TERF1: variants seen among roughly 807,000 people sequenced by gnomAD.
TERF1 encodes telomeric repeat binding factor 1.
Under a neutral mutation model 55.1 loss-of-function variants are expected in TERF1, and 20 were observed. That is an observed-to-expected ratio of 0.36 (90% CI 0.26 to 0.53). The LOEUF (loss-of-function observed/expected upper bound fraction) is 0.53. Ranked by LOEUF, TERF1 falls within the 20% of genes least tolerant of loss-of-function variation. TERF1 has a pLI of 0.91. For missense variants in TERF1, 439 were observed against 535.7 expected, an observed-to-expected ratio of 0.82 and a Z score of 1.78; for synonymous variants, 168 against 181.2, an observed-to-expected ratio of 0.93 and a Z score of 0.59.
intron 8 of TERF1, among the ~76,000 whole-genome samples, chr8:73,033,562 G>A (rs1252427604): frequency 2.0e-5 from 3 of 152,078 alleles, no homozygotes; most frequent in Non-Finnish European, 2.9e-5. Context: ...GCGAAACCCC[G>A]TTTCTACTAA....
intron 8 of TERF1, among the ~76,000 whole-genome samples, chr8:73,035,488 A>G (rs1809473397): frequency 6.6e-6 from 1 of 151,734 alleles, no homozygotes; most frequent in South Asian, 2.1e-4. Flanking sequence ...TTGGATGTGC[A>G]CAGAGAAGAA....
intron 1 of TERF1, chr8:73,012,846 G>T: frequency 2.3e-6 from 1 of 444,316 alleles, no homozygotes; most frequent in Admixed American, 2.5e-5. Context: ...GTTTAATTGT[G>T]TCTTCTCAGA....
chr8:73,008,936 A>G lies in TERF1; in HGVS notation c.50A>G (p.Asp17Gly), dbSNP rs377699337. ...SAAPSPRGCA[D>G]GRDADPTEEQ... ...GCCCCGAGCCCGCGGGGCTGTGCGG[A>G]TGGTAGGGATGCCGACCCTACTGAG... Residue 17 changes from aspartate to glycine, a missense_variant, in exon 1 of 10, where the codon GAT (aspartate) becomes GGT (glycine). Physicochemically the swap from Asp to Gly is moderately conservative, Grantham distance 94. This residue lies in a region of TERF1 where 179 missense variants were observed against 152.6 expected (regional missense o/e 1.17). Coordinates refer to ENST00000276603, the MANE Select transcript of TERF1 (RefSeq NM_017489.3). The G allele has an allele frequency of 8.7e-5, 140 of 1,612,470 alleles. 1 individual carries two copies. Among genetic ancestry groups the G allele is most frequent in the South Asian group, 6.7e-4 (61 of 90,714 alleles).
intron 8 of TERF1, among the ~76,000 whole-genome samples, chr8:73,036,329 A>G (rs538649532): frequency 3.3e-5 from 5 of 152,238 alleles, no homozygotes; most frequent in African/African-American, 1.2e-4. Flanking sequence ...AGGCTTTTCT[A>G]CATTCAACAG....
intron 7 of TERF1, 147 bp from the exon 8 acceptor site, chr8:73,031,895 G>T (rs1050094654): frequency 2.1e-5 from 10 of 487,564 alleles, no homozygotes; most frequent in African/African-American, 2.0e-4. Context: ...AGGTTAAGAT[G>T]GGGTACTAAG....
Position 73,009,096 on chromosome 8 carries a change from C to T in TERF1, c.210C>T (p.Ala70=), listed in dbSNP as rs1397515259. 1.9e-6 allele frequency: 3 copies of T among 1,610,022 alleles called. No homozygotes were observed. Among genetic ancestry groups the T allele is most frequent in the South Asian group, 1.1e-5 (1 of 90,788 alleles). Reference sequence around the variant, plus strand: ...AGGACGCGGGCCTGGTGGCCGAGGCCGAGGCCGTGGCTGCCGGCTGGATGC... The same window carrying T: ...AGGACGCGGGCCTGGTGGCCGAGGCTGAGGCCGTGGCTGCCGGCTGGATGC... The part of the protein sequence containing the change: ...EEEDAGLVAE[A]EAVAAGWMLD... The change falls in exon 1 of 10, where the codon GCC becomes GCT. Residue 70 remains alanine, a synonymous_variant. Coordinates refer to ENST00000276603, the MANE Select transcript of TERF1 (RefSeq NM_017489.3).
intron 9 of TERF1, among the ~76,000 whole-genome samples, chr8:73,039,798 TG>T (rs1345810163): frequency 6.6e-6 from 1 of 150,590 alleles, no homozygotes; most frequent in East Asian, 2.1e-4. Context: ...TGTGTGTGTG[TG>T]TGTGTGTGTG....
At chr8:73,027,102 CTT>C (rs1809042474) in intron 6 of TERF1, 50 bp downstream of exon 6, 1 of 1,313,738 alleles carries the variant, frequency 7.6e-7, no homozygotes, top group Non-Finnish European at 1.1e-6. Flanking sequence ...AATGTTCTGT[CTT>C]TATGTAAAAT....
chr8:73,037,083 A>G (rs1202115355), intron 8 of TERF1, among the ~76,000 whole-genome samples: 1 of 135,782 alleles, frequency 7.4e-6, no homozygotes, highest in Non-Finnish European at 1.5e-5. Flanking sequence ...ATTATACTAC[A>G]TATAATATAT....
At chr8:73,042,924 T>TCACCCCAC (rs1809892382) in intron 9 of TERF1, 1 of 152,212 alleles carries the variant, frequency 6.6e-6, no homozygotes, top group African/African-American at 2.4e-5. Context: ...TTGTATGGGT[T>TCACCCCAC]TAATGTCCAG....
At chr8:73,020,546 C>A in intron 2 of TERF1, 138 bp from the exon 3 acceptor site, 1 of 562,816 alleles carries the variant, frequency 1.8e-6, no homozygotes, top group Admixed American at 4.3e-5. Flanking sequence ...AATAAAATCA[C>A]TTCTAAACTG....
chr8:73,037,786 T>G lies in TERF1; in HGVS notation c.1040-1330T>G, dbSNP rs1456972792. ...TATAGTATAATATATATATTATATA[T>G]AATATATAGTATAATAATATATATA... On this transcript the variant is annotated intron_variant, in intron 8 of 9. Transcript: ENST00000276603. 6.1e-5 allele frequency among the ~76,000 whole-genome samples: 3 copies of G among 48,876 alleles called. No individual in the cohort carries two copies. In the East Asian group the frequency reaches 9.2e-4, roughly 15 times the overall value. 32.1% of individuals were successfully genotyped at this position (48,876 alleles called of 152,430 possible). A position where few individuals can be genotyped will look rare whatever the true frequency, so the allele number is the denominator to read the frequency against.
At chr8:73,032,195 A>G (rs1464865541) in intron 8 of TERF1, 62 bp downstream of exon 8, 14 of 1,237,994 alleles carry the variant, frequency 1.1e-5, no homozygotes, top group Non-Finnish European at 1.6e-5. Context: ...CAATCCAGCC[A>G]TTGACTTTAC....
intron 2 of TERF1, among the ~76,000 whole-genome samples, chr8:73,018,224 G>A (rs1808604439): frequency 6.6e-6 from 1 of 152,102 alleles, no homozygotes; most frequent in African/African-American, 2.4e-5. Context: ...AATATAAAGA[G>A]ACTTAGTATG....
At chr8:73,031,886 G>C in intron 7 of TERF1, 156 bp from the exon 8 acceptor site, 4 of 473,486 alleles carry the variant, frequency 8.4e-6, no homozygotes, top group African/African-American at 2.0e-5. Flanking sequence ...AGAGGCCACA[G>C]GTTAAGATGG....
chr8:73,009,308 G>C, intron 1 of TERF1, 103 bp downstream of exon 1: 1 of 1,269,706 alleles, frequency 7.9e-7, no homozygotes, highest in Non-Finnish European at 1.1e-6. Context: ...GGGAGGGGCT[G>C]CTGCGGCCGA....
At chr8:73,037,650 A>C (rs1809604483) in intron 8 of TERF1, among the ~76,000 whole-genome samples, 1 of 73,180 alleles carries the variant, frequency 1.4e-5, no homozygotes, top group African/African-American at 6.0e-5. Context: ...TATAATATAT[A>C]TTATATGTAT....
intron 5 of TERF1, 67 bp downstream of exon 5, chr8:73,025,038 T>G: frequency 1.0e-6 from 1 of 983,668 alleles, no homozygotes; most frequent in Non-Finnish European, 1.4e-6. Flanking sequence ...AGGAGAATAC[T>G]TGAAATAGAA....
intron 6 of TERF1, among the ~76,000 whole-genome samples, chr8:73,027,925 C>T (rs767661374): frequency 2.6e-5 from 4 of 152,178 alleles, no homozygotes; most frequent in Non-Finnish European, 5.9e-5. Context: ...GTGGCCCCTC[C>T]TATTGTTCCT....
Sources: allele counts gnomAD v4.1 joint callset (sites outside exome capture counted in the v4.1 genomes callset), GRCh38; gene constraint gnomAD v4.1.1; regional missense constraint gnomAD v4.1.1; transcripts MANE v1.5; gene names NCBI Gene and HGNC (gene_info 2026-07-23, HGNC 2026-07-21).